NDUFB4: variants seen among roughly 807,000 people sequenced by gnomAD.
NDUFB4 encodes the protein NADH dehydrogenase [ubiquinone] 1 beta subcomplex subunit 4.
Under a neutral mutation model 14.5 loss-of-function variants are expected in NDUFB4, and 10 were observed. That is an observed-to-expected ratio of 0.69 (90% CI 0.43 to 1.17). The LOEUF is 1.17. NDUFB4 is among the 50% of genes most tolerant of loss of function. The pLI, the probability that NDUFB4 is intolerant of heterozygous loss-of-function variation, is 0.00. For missense variants in NDUFB4, 165 were observed against 161.1 expected (o/e 1.02, Z -0.13); for synonymous variants, 65 against 63.4 (o/e 1.03, Z -0.12).
chr3:120,598,349 T>C (rs146954019), intron 1 of NDUFB4, among the ~76,000 whole-genome samples: 3,106 of 152,228 alleles, frequency 0.02, 39 homozygotes, highest in Middle Eastern at 0.031. Context: ...CCACTGTGCC[T>C]GGCCATCTTG....
intron 2 of NDUFB4, chr3:120,601,597 C>A: frequency 8.9e-7 from 1 of 1,126,904 alleles, no homozygotes; most frequent in South Asian, 2.6e-5. Context: ...ATGTTAAAAC[C>A]TATTAATACT....
intron 1 of NDUFB4, among the ~76,000 whole-genome samples, chr3:120,598,689 G>A (rs1456147337): frequency 2.0e-5 from 3 of 152,064 alleles, no homozygotes; most frequent in Non-Finnish European, 2.9e-5. Flanking sequence ...GAAGTGGGGT[G>A]AGGGACCTAG....
chr3:120,602,081 T>G, intron 2 of NDUFB4, 127 bp from the exon 3 acceptor site: 1 of 1,487,506 alleles, frequency 6.7e-7, no homozygotes, highest in Non-Finnish European at 8.9e-7. Flanking sequence ...TCATTCTGTT[T>G]GTCAGTTGTA....
intron 1 of NDUFB4, among the ~76,000 whole-genome samples, chr3:120,598,960 C>G (rs1940011805): frequency 6.6e-6 from 1 of 152,088 alleles, no homozygotes; most frequent in Non-Finnish European, 1.5e-5. Flanking sequence ...AGGACAGGAT[C>G]AGGGAGACTA....
At chr3:120,599,448 G>C (rs937906713) in intron 1 of NDUFB4, among the ~76,000 whole-genome samples, 1 of 152,064 alleles carries the variant, frequency 6.6e-6, no homozygotes, top group Non-Finnish European at 1.5e-5. Flanking sequence ...TAAGAGATTG[G>C]GGAGATGAGG....
intron 1 of NDUFB4, among the ~76,000 whole-genome samples, chr3:120,600,345 A>G (rs1940037187): frequency 1.3e-5 from 2 of 152,030 alleles, no homozygotes; most frequent in Non-Finnish European, 2.9e-5. Context: ...TGGAGAGACT[A>G]ATTTTGTAAA....
In NDUFB4 at chr3:120,596,550, G is replaced by A; in HGVS notation, c.180+11G>A. On this transcript the variant is annotated intron_variant, in intron 1 of 2. Coordinates refer to ENST00000184266, the MANE Select transcript of NDUFB4 (RefSeq NM_004547.6). Reference sequence around the variant, plus strand: ...CGCCGAGGGCTCATCGTGAGTGTGGGGCCTCCCAGGCGGGAATAGGGCCCG... The same window carrying A: ...CGCCGAGGGCTCATCGTGAGTGTGGAGCCTCCCAGGCGGGAATAGGGCCCG... 2 of 1,612,434 alleles carry A rather than the reference G, an allele frequency of 1.2e-6. No individual in the cohort carries two copies. Among genetic ancestry groups the A allele is most frequent in the Non-Finnish European group, 8.5e-7 (1 of 1,179,262 alleles).
rs1284362540 is a variant in NDUFB4, at chr3:120,596,433, T to C, written c.74T>C (p.Ile25Thr). 6.2e-7 allele frequency: 1 copy of C among 1,614,070 alleles called. No individual in the cohort carries two copies. Among genetic ancestry groups the C allele is most frequent in the Admixed American group, 1.7e-5 (1 of 60,020 alleles). Residue 25 changes from isoleucine to threonine, a missense_variant, in exon 1 of 3, where the codon ATA becomes ACA. Ile to Thr is a moderately conservative substitution (Grantham distance 89, BLOSUM62 -1). Coordinates refer to ENST00000184266, the MANE Select transcript of NDUFB4 (RefSeq NM_004547.6). ...ACCCTCGACCCAGCCGAATACAACA[T>C]ATCTCCGGAAACCCGGCGGGCGCAA... ...PETLDPAEYN[I>T]SPETRRAQAE...
At chr3:120,601,843 T>C (rs1940069423) in intron 2 of NDUFB4, 1 of 1,036,422 alleles carries the variant, frequency 9.6e-7, no homozygotes, top group South Asian at 3.7e-5. Context: ...GATTATCTGG[T>C]GAATGATCTA....
intron 2 of NDUFB4, chr3:120,601,470 A>G: frequency 7.1e-7 from 1 of 1,401,256 alleles, no homozygotes; most frequent in Non-Finnish European, 9.2e-7. Flanking sequence ...TTGTTAGTTC[A>G]TTTGTTTTTT....
At position 120,596,364 on chromosome 3, in the gene NDUFB4, C is replaced by G; in HGVS notation, c.5C>G (p.Ser2Trp). Residue 2 changes from serine to tryptophan, a missense_variant, in exon 1 of 3, where the codon TCG (serine) becomes TGG (tryptophan). By Grantham distance (177) the Ser-to-Trp change is radical. Transcript: ENST00000184266. ...ATTGTGCCCTGGTTCGCCAAGATGT[C>G]GTTCCCAAAGTATAAGCCGTCGAGC... M[S>W]FPKYKPSSLR... 6.2e-7 allele frequency: 1 copy of G among 1,614,080 alleles called. No homozygotes were observed. Among genetic ancestry groups the G allele is most frequent in the Non-Finnish European group, 8.5e-7 (1 of 1,179,984 alleles).
At chr3:120,601,790 T>G (rs771655117) in intron 2 of NDUFB4, 46 of 1,022,380 alleles carry the variant, frequency 4.5e-5, no homozygotes, top group Non-Finnish European at 5.3e-5. Flanking sequence ...TAGCTTTGTC[T>G]TTAACTGGCC....
chr3:120,596,481 C>A lies in NDUFB4; in HGVS notation c.122C>A (p.Ala41Asp). The A allele has an allele frequency of 3.1e-6, 5 of 1,614,036 alleles. No homozygotes were observed. The highest frequency in any genetic ancestry group is 3.4e-6 in the Non-Finnish European group (4 of 1,179,958). Residue 41 changes from alanine to aspartate, a missense_variant, in exon 1 of 3, where the codon GCC (alanine) becomes GAC (aspartate). Physicochemically the swap from Ala to Asp is moderately radical, Grantham distance 126. Transcript: ENST00000184266. Reference sequence around the variant, plus strand: ...CAAGCCGAGCGGTTGGCCATAAGAGCCCAGCTGAAACGAGAGTACCTGCTT... The same window carrying A: ...CAAGCCGAGCGGTTGGCCATAAGAGACCAGCTGAAACGAGAGTACCTGCTT... ...RAQAERLAIR[A>D]QLKREYLLQY... is the part of the protein sequence containing the mutation.
chr3:120,598,115 T>C (rs804985), intron 1 of NDUFB4, among the ~76,000 whole-genome samples: 75,041 of 150,924 alleles, frequency 0.5, 19,295 homozygotes, highest in African/African-American at 0.63. Flanking sequence ...TGCAGTGGTA[T>C]GATCTCGGCT....
intron 1 of NDUFB4, 186 bp from the exon 2 acceptor site, chr3:120,600,925 A>G: frequency 3.5e-6 from 2 of 573,450 alleles, no homozygotes; most frequent in Middle Eastern, 4.6e-4. Context: ...GAACAAGATC[A>G]TTAGAATTCA....
intron 1 of NDUFB4, among the ~76,000 whole-genome samples, chr3:120,599,143 G>C (rs1432008630): frequency 6.6e-6 from 1 of 152,186 alleles, no homozygotes; most frequent in East Asian, 1.9e-4. Flanking sequence ...TTTGACCTAA[G>C]TGATTTTAAG....
intron 2 of NDUFB4, 159 bp from the exon 3 acceptor site, chr3:120,602,049 T>C (rs1940073039): frequency 1.4e-6 from 2 of 1,433,938 alleles, no homozygotes; most frequent in South Asian, 1.6e-5. Flanking sequence ...GACAGTGGGA[T>C]TGCAATTAGG....
rs745622364 is a variant in NDUFB4 at position 120,602,174 on chromosome 3, T to C, written c.328-34T>C. On this transcript the variant is annotated intron_variant, in intron 2 of 2. Coordinates refer to ENST00000184266, the MANE Select transcript of NDUFB4 (RefSeq NM_004547.6). ...TAATATAGCCAACTGGCAGAATATA[T>C]TGTCTTTAATGTACTTTTTTTCTGT... 4 of 1,593,420 alleles carry C rather than the reference T, an allele frequency of 2.5e-6. No individual in the cohort carries two copies. In the South Asian group the frequency reaches 4.6e-5, roughly 18 times the overall value.
intron 1 of NDUFB4, chr3:120,600,888 A>G (rs758406352): frequency 3.9e-6 from 2 of 509,198 alleles, no homozygotes; most frequent in South Asian, 2.8e-5. Context: ...AATTAGTGAT[A>G]TGAGCCTTCT....
Sources: allele counts gnomAD v4.1 joint callset (sites outside exome capture counted in the v4.1 genomes callset), GRCh38; gene constraint gnomAD v4.1.1; transcripts MANE v1.5; gene names NCBI Gene and HGNC (gene_info 2026-07-23, HGNC 2026-07-21).